KMT2C: variants seen among roughly 807,000 people sequenced by gnomAD.
The protein encoded by KMT2C is lysine methyltransferase 2C, also known as histone-lysine N-methyltransferase 2C.
In KMT2C, 88 loss-of-function variants were observed where a neutral mutation model predicts 507.9. The ratio of observed to expected loss-of-function variants is 0.17; its 90% confidence interval spans 0.15 to 0.21. The LOEUF (loss-of-function observed/expected upper bound fraction) is 0.21, where lower values mean the gene tolerates loss of function less well. KMT2C is among the 10% of genes least tolerant of loss of function. KMT2C has a pLI of 1.00. For synonymous variants in KMT2C, 2,049 were observed against 2,080.8 expected (o/e 0.98, Z 0.42); for missense variants, 4,954 against 5,957.8 (o/e 0.83, Z 5.55).
intron 42 of KMT2C, among the ~76,000 whole-genome samples, chr7:152,165,635 T>A (rs1425383454): frequency 1.3e-5 from 2 of 152,216 alleles, no homozygotes; most frequent in Non-Finnish European, 2.9e-5. Flanking sequence ...AAATCCCTAA[T>A]CTAATAGTTA....
chr7:152,212,019 G>A (rs1008184154), intron 23 of KMT2C, among the ~76,000 whole-genome samples: 4 of 152,120 alleles, frequency 2.6e-5, no homozygotes, highest in African/African-American at 9.7e-5. Context: ...CTGCACTCCA[G>A]CCTGGGCGAC....
chr7:152,283,410 C>T (rs2096251781), intron 6 of KMT2C, among the ~76,000 whole-genome samples: 1 of 152,052 alleles, frequency 6.6e-6, no homozygotes, highest in African/African-American at 2.4e-5. Flanking sequence ...TAGTTGGATA[C>T]ACTTAAATCA....
intron 38 of KMT2C, among the ~76,000 whole-genome samples, chr7:152,175,150 A>T (rs1425630948): frequency 6.9e-6 from 1 of 145,536 alleles, no homozygotes; most frequent in South Asian, 2.2e-4. Flanking sequence ...CGTTGTTTTC[A>T]TTTTTTTTTT....
At chr7:152,334,296 T>C (rs35305963) in intron 2 of KMT2C, among the ~76,000 whole-genome samples, 7,316 of 152,020 alleles carry the variant, frequency 0.048, 292 homozygotes, top group African/African-American at 0.1. Context: ...CTACTAAAAA[T>C]ACAGAATTAG....
intron 1 of KMT2C, among the ~76,000 whole-genome samples, chr7:152,372,713 A>G (rs1414753010): frequency 1.3e-5 from 2 of 152,224 alleles, no homozygotes; most frequent in Non-Finnish European, 2.9e-5. Context: ...GCACCTAAAT[A>G]TATAAAGCAC....
intron 1 of KMT2C, among the ~76,000 whole-genome samples, chr7:152,361,648 G>A (rs1202334165): frequency 6.6e-6 from 1 of 151,946 alleles, no homozygotes; most frequent in East Asian, 1.9e-4. Flanking sequence ...AAGAAAATTT[G>A]ATCAATCCAA....
Position 152,179,939 on chromosome 7 carries a change from G to A in KMT2C, c.7337C>T (p.Pro2446Leu), listed in dbSNP as rs1298069280. The change falls in exon 37 of 59, where the codon CCT becomes CTT. Residue 2446 changes from proline to leucine, a missense_variant. By Grantham distance (98) the Pro-to-Leu change is moderately conservative. Coordinates refer to ENST00000262189, the MANE Select transcript of KMT2C (RefSeq NM_170606.3). ...PPPYPGNIRS[P>L]VAPPLGPRYA... is the part of the protein sequence containing the mutation. The stretch of plus-strand genomic sequence containing the variant: ...TCTAGGTCCTAAAGGAGGGGCAACA[G>A]GAGACCTAATGTTCCCAGGATAGGG... The A allele has an allele frequency of 6.2e-7, 1 of 1,614,144 alleles. No homozygotes were observed. Among genetic ancestry groups the A allele is most frequent in the Non-Finnish European group, 8.5e-7 (1 of 1,179,986 alleles).
In KMT2C at chr7:152,180,079, C is replaced by A. The variant is rs2093380037; in HGVS notation, c.7197G>T (p.Lys2399Asn). 1 of 1,614,074 alleles carries A rather than the reference C, an allele frequency of 6.2e-7. No individual in the cohort carries two copies. Among genetic ancestry groups the A allele is most frequent in the Non-Finnish European group, 8.5e-7 (1 of 1,180,038 alleles). The change falls in exon 37 of 59, where the codon AAG becomes AAT. Residue 2399 changes from lysine (K) to asparagine (N), a missense_variant. Coordinates refer to ENST00000262189, the MANE Select transcript of KMT2C (RefSeq NM_170606.3). ...EIILQQQQQK[K>N]IAGRQEKGSQ... Reference sequence around the variant, plus strand: ...ACCCCTTCTCCTGTCGACCTGCAATCTTCTTCTGCTGTTGCTGCTGGAGAA... The same window carrying A: ...ACCCCTTCTCCTGTCGACCTGCAATATTCTTCTGCTGTTGCTGCTGGAGAA...
chr7:152,305,541 G>T (rs959562145), intron 6 of KMT2C, among the ~76,000 whole-genome samples: 2 of 152,004 alleles, frequency 1.3e-5, no homozygotes, highest in African/African-American at 4.8e-5. Flanking sequence ...AGCCTTACAG[G>T]TTAGCAAGGA....
At chr7:152,363,473 G>T (rs549829961) in intron 1 of KMT2C, among the ~76,000 whole-genome samples, 1 of 152,188 alleles carries the variant, frequency 6.6e-6, no homozygotes, top group South Asian at 2.1e-4. Flanking sequence ...AGTAAGACAG[G>T]TCAAAATTAC....
At chr7:152,165,497 T>G (rs2092686188) in intron 42 of KMT2C, among the ~76,000 whole-genome samples, 1 of 152,036 alleles carries the variant, frequency 6.6e-6, no homozygotes, top group Admixed American at 6.6e-5. Context: ...ACCCAGAGAG[T>G]AGATTTAAAG....
At chr7:152,434,204 TA>T (rs1320582776) in intron 1 of KMT2C, among the ~76,000 whole-genome samples, 95 of 152,338 alleles carry the variant, frequency 6.2e-4, no homozygotes, top group African/African-American at 2.2e-3. Flanking sequence ...GCAAGTGGCA[TA>T]ATAAATAAGT....
At chr7:152,404,630 T>TGAAAAA (rs113947433) in intron 1 of KMT2C, among the ~76,000 whole-genome samples, 45 of 53,430 alleles carry the variant, frequency 8.4e-4, no homozygotes, top group East Asian at 4.8e-3. Context: ...GACTCAGGTC[T>TGAAAAA]CAAAAAAAAA....
intron 1 of KMT2C, among the ~76,000 whole-genome samples, chr7:152,364,948 C>T (rs2097228948): frequency 6.6e-6 from 1 of 151,786 alleles, no homozygotes; most frequent in Non-Finnish European, 1.5e-5. Flanking sequence ...CACACACACA[C>T]ACACACACAC....
intron 2 of KMT2C, among the ~76,000 whole-genome samples, chr7:152,336,334 A>G (rs1422858582): frequency 6.6e-6 from 1 of 152,204 alleles, no homozygotes; most frequent in African/African-American, 2.4e-5. Context: ...AGGCAGGACA[A>G]CTGAGTGTTT....
Position 152,181,404 on chromosome 7 carries a change from A to G in KMT2C, c.6456T>C (p.Ala2152=), listed in dbSNP as rs1319714803. 6.2e-7 allele frequency: 1 copy of G among 1,614,044 alleles called. No individual in the cohort carries two copies. The highest frequency in any genetic ancestry group is 1.1e-5 in the South Asian group (1 of 91,058). The change falls in exon 36 of 59, where the codon GCT becomes GCC. Residue 2152 remains alanine, a synonymous_variant. Transcript: ENST00000262189. ...GAGAGTAAGGGTCTGTATTGGACCT[A>G]GCTGTTCCTGAAGATTGGGAATAAG... The part of the protein sequence containing the change: ...VDSYSQSSGT[A]RSNTDPYSQP...
rs1457015762 is a variant in KMT2C at position 152,255,126 on chromosome 7, T to TAC, written c.1300-2412_1300-2411insGT. Among the ~76,000 whole-genome samples, 20 of 119,770 alleles carry TAC rather than the reference T, an allele frequency of 1.7e-4. 1 individual carries two copies. Among genetic ancestry groups the TAC allele is most frequent in the Non-Finnish European group, 3.0e-4 (18 of 59,966 alleles). The allele number at this position is 119,770 out of a possible 152,430, so 78.6% of individuals were successfully genotyped here. A position where few individuals can be genotyped will look rare whatever the true frequency, so the allele number is the denominator to read the frequency against. ...ACTCTCACTTATATATATATATATA[T>TAC]ATATATATATATATATATACATATA... On this transcript the variant is annotated intron_variant, in intron 9 of 58. Transcript: ENST00000262189.
At chr7:152,332,155 C>T (rs1312823286) in intron 2 of KMT2C, among the ~76,000 whole-genome samples, 1 of 152,124 alleles carries the variant, frequency 6.6e-6, no homozygotes, top group Non-Finnish European at 1.5e-5. Flanking sequence ...TTGAATCCAA[C>T]CCCAAACACC....
At chr7:152,256,818 C>A (rs185139847) in intron 9 of KMT2C, among the ~76,000 whole-genome samples, 2 of 152,292 alleles carry the variant, frequency 1.3e-5, no homozygotes, top group South Asian at 4.1e-4. Context: ...CACCACTTTT[C>A]GCCCAGAAGA....
Sources: gnomAD v4.1 joint callset for allele counts (sites outside exome capture counted in the v4.1 genomes callset) on GRCh38, gnomAD v4.1.1 for gene constraint, MANE v1.5 for transcripts, NCBI Gene and HGNC (gene_info 2026-07-23, HGNC 2026-07-21) for gene names.